The following PTPRA variants were observed in gnomAD, a reference collection of about 807,000 sequenced individuals.
PTPRA encodes the protein receptor-type tyrosine-protein phosphatase alpha.
In PTPRA, 25 loss-of-function variants were observed where a neutral mutation model predicts 104.8. The observed-to-expected ratio is 0.24, with a 90% CI of 0.17 to 0.33. The LOEUF (loss-of-function observed/expected upper bound fraction) is 0.33, where lower values mean the gene tolerates loss of function less well. Among genes scored for constraint, PTPRA ranks in the 10% least tolerant of loss-of-function variants. PTPRA has a pLI of 1.00. For synonymous variants in PTPRA, 323 were observed against 368.9 expected, an observed-to-expected ratio of 0.88 and a Z score of 1.43; for missense variants, 765 against 1,015.3, an observed-to-expected ratio of 0.75 and a Z score of 3.35.
intron 17 of PTPRA, among the ~76,000 whole-genome samples, chr20:3,026,354 G>GT (rs1315687989): frequency 1.3e-5 from 2 of 152,170 alleles, no homozygotes; most frequent in South Asian, 2.1e-4. Context: ...TTCTGAATAA[G>GT]TTTTTTTGAA....
At chr20:2,978,173 G>C (rs1414858739) in intron 6 of PTPRA, among the ~76,000 whole-genome samples, 2 of 152,142 alleles carry the variant, frequency 1.3e-5, no homozygotes, top group Non-Finnish European at 2.9e-5. Context: ...TCCTGAAGAT[G>C]ATGGTGAGTA....
the PTPRA span, chr20:2,864,616 G>A: frequency 6.2e-7 from 1 of 1,614,152 alleles, no homozygotes; most frequent in Non-Finnish European, 8.5e-7. This position sits in a 1 kb window ranked among gnomAD's most constrained non-coding sequence, Gnocchi z 5.2. Context: ...CCAGGAATTG[G>A]GCAGCTTCCA....
chr20:3,002,756 A>G (rs938502425), intron 9 of PTPRA, among the ~76,000 whole-genome samples: 4 of 152,156 alleles, frequency 2.6e-5, no homozygotes, highest in Non-Finnish European at 4.4e-5. Flanking sequence ...ATTCTTTAAC[A>G]TGGAAAATGG....
At position 2,923,180 on chromosome 20, in the gene PTPRA, C is replaced by T. The variant is rs762128175; in HGVS notation, c.-128-27C>T. The T allele has an allele frequency of 7.1e-4, 723 of 1,017,268 alleles. 2 individuals are homozygous for T. The highest frequency in any genetic ancestry group is 9.2e-4 in the Non-Finnish European group (701 of 758,530). 63.0% of individuals were successfully genotyped at this position (1,017,268 alleles called of 1,614,324 possible). A position where few individuals can be genotyped will look rare whatever the true frequency, so the allele number is the denominator to read the frequency against. On this transcript the variant is annotated intron_variant, in intron 1 of 23. Transcript: ENST00000399903. ...ATCTGCTCAGGGATGTTGTATATTT[C>T]TAAAGGTATTTTTCCTTTTGTTGCA... is the stretch of plus-strand genomic sequence containing the variant.
chr20:2,962,350 C>T (rs1254902343), intron 3 of PTPRA, among the ~76,000 whole-genome samples: 2 of 152,262 alleles, frequency 1.3e-5, no homozygotes, highest in East Asian at 3.9e-4. Flanking sequence ...ATCCTGAGCT[C>T]ACATATTCAT....
At chr20:2,892,253 G>A (rs1331618952) in intron 1 of PTPRA, among the ~76,000 whole-genome samples, 1 of 136,342 alleles carries the variant, frequency 7.3e-6, no homozygotes, top group Non-Finnish European at 1.5e-5. Flanking sequence ...TCCTGCCATA[G>A]CACTCCAGCC....
rs1197405960 is a variant in PTPRA, at chr20:2,926,793, T to TC, written c.-50+3508_-50+3509insC. Among the ~76,000 whole-genome samples the TC allele has an allele frequency of 5.7e-4, 76 of 133,544 alleles. No homozygotes were observed. In the Middle Eastern group the frequency reaches 0.013, roughly 23 times the overall value. The allele number at this position is 133,544 out of a possible 152,430, so 87.6% of individuals were successfully genotyped here. A position where few individuals can be genotyped will look rare whatever the true frequency, so the allele number is the denominator to read the frequency against. On this transcript the variant is annotated intron_variant, in intron 2 of 23. Coordinates refer to ENST00000399903, the MANE Select transcript of PTPRA (RefSeq NM_001385305.1). ...CCTTTTTTTTTTTTTTTTTTTTTTT[T>TC]ACTTTTTATTTTTTTGAGACAGAGT...
intron 19 of PTPRA, 131 bp downstream of exon 19, chr20:3,027,328 C>T: frequency 1.1e-6 from 1 of 918,454 alleles, no homozygotes; most frequent in South Asian, 1.5e-5. Context: ...AATTGATACT[C>T]ACCCACCCAC....
intron 1 of PTPRA, among the ~76,000 whole-genome samples, chr20:2,883,133 C>A (rs560401096): frequency 6.6e-6 from 1 of 151,944 alleles, no homozygotes; most frequent in South Asian, 2.1e-4. Context: ...TACAGGCATG[C>A]ACCACCATGC....
intron 17 of PTPRA, 108 bp from the exon 18 acceptor site, chr20:3,026,579 G>A: frequency 1.3e-6 from 1 of 776,056 alleles, no homozygotes; most frequent in Admixed American, 2.1e-5. Context: ...GGTGAGAAGA[G>A]CAGTATGGAG....
chr20:2,984,686 T>TC (rs1485757843), intron 6 of PTPRA, among the ~76,000 whole-genome samples: 3 of 152,214 alleles, frequency 2.0e-5, no homozygotes, highest in Admixed American at 6.5e-5. Flanking sequence ...TACAATGGAC[T>TC]CCCAAGTCCT....
chr20:2,869,612 G>A (rs1282820812), upstream of PTPRA, among the ~76,000 whole-genome samples: 1 of 152,208 alleles, frequency 6.6e-6, no homozygotes, highest in African/African-American at 2.4e-5. Context: ...GGACTGTGTA[G>A]CTGGAGGCAA....
At chr20:2,986,904 C>A in intron 7 of PTPRA, 55 bp downstream of exon 7, 1 of 1,443,824 alleles carries the variant, frequency 6.9e-7, no homozygotes, top group South Asian at 1.1e-5. Flanking sequence ...ATCCCAGTGT[C>A]CCAATGAACC....
rs898320534 is a variant in PTPRA, at chr20:3,035,179, A to G, written c.1921-406A>G. The stretch of plus-strand genomic sequence containing the variant: ...TGTGGCCTGGGCGGTGGTGAAGCCC[A>G]TGGCTGTGTGGGAATGTGAATTGGT... On this transcript the variant is annotated intron_variant, in intron 20 of 23. Coordinates refer to ENST00000399903, the MANE Select transcript of PTPRA (RefSeq NM_001385305.1). This position sits in a 1 kb window ranked among gnomAD's most constrained non-coding sequence, Gnocchi z 5.8. 2.0e-5 allele frequency among the ~76,000 whole-genome samples: 3 copies of G among 152,196 alleles called. No individual in the cohort carries two copies. Among genetic ancestry groups the G allele is most frequent in the South Asian group, 2.1e-4 (1 of 4,834 alleles).
intron 1 of PTPRA, among the ~76,000 whole-genome samples, chr20:2,879,496 G>C (rs2089931945): frequency 6.6e-6 from 1 of 152,204 alleles, no homozygotes; most frequent in Non-Finnish European, 1.5e-5. Context: ...TGCAGTGACA[G>C]AGTAATTCTC....
chr20:2,892,392 A>C (rs1389114653), intron 1 of PTPRA, among the ~76,000 whole-genome samples: 1 of 151,884 alleles, frequency 6.6e-6, no homozygotes, highest in Non-Finnish European at 1.5e-5. Flanking sequence ...GGTTCAACTT[A>C]TGATTTTTAT....
chr20:2,872,178 G>A (rs1272373739), upstream of PTPRA, among the ~76,000 whole-genome samples: 4 of 152,016 alleles, frequency 2.6e-5, no homozygotes, highest in Non-Finnish European at 5.9e-5. This position sits in a 1 kb window ranked among gnomAD's most constrained non-coding sequence, Gnocchi z 7.9. Context: ...CCTAACTGGC[G>A]CCCCAACAGA....
chr20:2,910,060 TATATA>T lies in PTPRA; in HGVS notation c.-128-13141_-128-13137del, dbSNP rs1304209392. Among the ~76,000 whole-genome samples, 7 of 114,664 alleles carry T rather than the reference TATATA, an allele frequency of 6.1e-5. No homozygotes were observed. The South Asian group carries it at 1.7e-3, about 27-fold the overall frequency. The allele number at this position is 114,664 out of a possible 152,430, so 75.2% of individuals were successfully genotyped here. A position where few individuals can be genotyped will look rare whatever the true frequency, so the allele number is the denominator to read the frequency against. ...ATCATATATAATATATATCATATCA[TATATA>T]ATATATATGATGTATAGTATATATG... On this transcript the variant is annotated intron_variant, in intron 1 of 23. Transcript: ENST00000399903.
chr20:3,028,529 C>T (rs900930211), intron 20 of PTPRA, among the ~76,000 whole-genome samples: 1 of 152,232 alleles, frequency 6.6e-6, no homozygotes. Context: ...CTACTAAGCA[C>T]ATTCAATCTC....
Sources: allele counts gnomAD v4.1 joint callset (sites outside exome capture counted in the v4.1 genomes callset), GRCh38; gene constraint gnomAD v4.1.1; non-coding constraint Gnocchi (gnomAD v3.1); transcripts MANE v1.5; gene names NCBI Gene and HGNC (gene_info 2026-07-23, HGNC 2026-07-21).